Variants in HYCC1 observed in about 807,000 individuals in gnomAD.
HYCC1 encodes the protein hyccin PI4KA lipid kinase complex subunit 1.
At chr7:22,951,167 C>T in the HYCC1 span, among the ~76,000 whole-genome samples, 11 of 151,836 alleles carry the variant, frequency 7.2e-5, no homozygotes, top group East Asian at 1.9e-4. Context: ...AAACTGATGA[C>T]GAAAAGTTGT....
chr7:22,960,971 A>C, the HYCC1 span, among the ~76,000 whole-genome samples: 1 of 152,230 alleles, frequency 6.6e-6, no homozygotes, highest in African/African-American at 2.4e-5. Flanking sequence ...AAATCGCTTG[A>C]ACCCAGGAGG....
the HYCC1 span, among the ~76,000 whole-genome samples, chr7:22,906,865 A>G: frequency 3.9e-5 from 6 of 152,154 alleles, no homozygotes; most frequent in East Asian, 1.2e-3. Flanking sequence ...GCACAATTAC[A>G]CATCTATTAA....
At chr7:22,928,070 A>G in the HYCC1 span, among the ~76,000 whole-genome samples, 133 of 152,306 alleles carry the variant, frequency 8.7e-4, no homozygotes, top group Middle Eastern at 3.4e-3. Flanking sequence ...TATAAACAGA[A>G]CCAAAGACAA....
chr7:23,008,095 T>C, the HYCC1 span, among the ~76,000 whole-genome samples: 1 of 152,220 alleles, frequency 6.6e-6, no homozygotes, highest in East Asian at 1.9e-4. Flanking sequence ...AAGGATTAAG[T>C]GTTAGCAAGA....
chr7:22,908,000 A>G, the HYCC1 span, among the ~76,000 whole-genome samples: 1 of 152,220 alleles, frequency 6.6e-6, no homozygotes, highest in Non-Finnish European at 1.5e-5. Context: ...ATCTATTATT[A>G]GGAATGAGAA....
the HYCC1 span, among the ~76,000 whole-genome samples, chr7:22,922,417 G>A: frequency 6.6e-6 from 1 of 152,200 alleles, no homozygotes; most frequent in East Asian, 1.9e-4. Context: ...TCATAGCTTA[G>A]CTTAGCCCAC....
At chr7:23,009,551 C>T in the HYCC1 span, among the ~76,000 whole-genome samples, 2 of 151,998 alleles carry the variant, frequency 1.3e-5, no homozygotes, top group Non-Finnish European at 2.9e-5. Flanking sequence ...GTTTTCAGCC[C>T]CCTATGAAAG....
the HYCC1 span, among the ~76,000 whole-genome samples, chr7:22,987,636 A>G: frequency 1.4e-3 from 216 of 152,340 alleles, no homozygotes; most frequent in Middle Eastern, 3.4e-3. Flanking sequence ...CAAAAATTTC[A>G]TCTCTACACA....
At chr7:22,913,891 C>A in the HYCC1 span, among the ~76,000 whole-genome samples, 1 of 152,198 alleles carries the variant, frequency 6.6e-6, no homozygotes, top group Non-Finnish European at 1.5e-5. Context: ...TGTCCTCACC[C>A]TCACTCCATG....
At chr7:22,983,327 T>C in the HYCC1 span, among the ~76,000 whole-genome samples, 1 of 112,388 alleles carries the variant, frequency 8.9e-6, no homozygotes, top group Admixed American at 9.5e-5. Flanking sequence ...AGACCCTGTC[T>C]CAAAAAAAAA....
the HYCC1 span, among the ~76,000 whole-genome samples, chr7:22,972,857 AGAAT>A: frequency 3.3e-5 from 5 of 152,228 alleles, no homozygotes; most frequent in African/African-American, 1.2e-4. Flanking sequence ...TTTGCTCAGT[AGAAT>A]GAATTTGTGT....
chr7:22,925,253 GA>G, the HYCC1 span, among the ~76,000 whole-genome samples: 1 of 152,142 alleles, frequency 6.6e-6, no homozygotes, highest in Non-Finnish European at 1.5e-5. Flanking sequence ...AGAAAAACCG[GA>G]AACTCTAAAA....
the HYCC1 span, among the ~76,000 whole-genome samples, chr7:22,925,538 C>G: frequency 1.3e-5 from 2 of 152,128 alleles, no homozygotes; most frequent in Non-Finnish European, 2.9e-5. Flanking sequence ...GACAAATGCA[C>G]AAGCCTCGGT....
the HYCC1 span, among the ~76,000 whole-genome samples, chr7:22,963,314 C>T: frequency 5.5e-4 from 84 of 152,100 alleles, no homozygotes; most frequent in African/African-American, 1.8e-3. Flanking sequence ...GTGGAAAAGA[C>T]GGACAACATG....
the HYCC1 span, among the ~76,000 whole-genome samples, chr7:22,948,352 G>C: frequency 6.6e-6 from 1 of 152,034 alleles, no homozygotes; most frequent in Non-Finnish European, 1.5e-5. Context: ...GTAACAGGTA[G>C]TAAAAGAACA....
chr7:22,897,739 G>A, the HYCC1 span, among the ~76,000 whole-genome samples: 1 of 151,918 alleles, frequency 6.6e-6, no homozygotes. Flanking sequence ...CCAAGTAGCT[G>A]AGGCTACAGG....
the HYCC1 span, among the ~76,000 whole-genome samples, chr7:23,004,325 T>C: frequency 2.6e-5 from 4 of 152,208 alleles, no homozygotes; most frequent in Non-Finnish European, 2.9e-5. Flanking sequence ...AAACCAAACA[T>C]CTGCTTAGAC....
the HYCC1 span, among the ~76,000 whole-genome samples, chr7:22,969,318 T>TTGTGTGTG: frequency 2.0e-4 from 29 of 148,492 alleles, no homozygotes; most frequent in East Asian, 5.0e-3. Flanking sequence ...CCTGTTTATT[T>TTGTGTGTG]TGTGTGTGTG....
At chr7:23,013,918 G>A in the HYCC1 span, 1 of 468,928 alleles carries the variant, frequency 2.1e-6, no homozygotes, top group African/African-American at 2.0e-5. Context: ...CTCTCGGCTG[G>A]ACTCACCAGG....
Sources: gnomAD v4.1 joint callset for allele counts (sites outside exome capture counted in the v4.1 genomes callset) on GRCh38, gnomAD v4.1.1 for gene constraint, MANE v1.5 for transcripts, NCBI Gene and HGNC (gene_info 2026-07-23, HGNC 2026-07-21) for gene names.